The following NETO1 variants were observed in gnomAD, a reference collection of about 807,000 sequenced individuals.
NETO1 encodes the protein neuropilin and tolloid-like protein 1.
A neutral mutation model predicts 61.3 loss-of-function variants in NETO1; 26 were observed. The ratio of observed to expected loss-of-function variants is 0.42; its 90% CI spans 0.31 to 0.59. The LOEUF (loss-of-function observed/expected upper bound fraction) is 0.59, where lower values mean the gene tolerates loss of function less well. NETO1 is among the 20% of genes least tolerant of loss of function. NETO1 has a pLI of 0.12. For missense variants in NETO1, 531 were observed against 662.8 expected, an observed-to-expected ratio of 0.80 and a Z score of 2.18; for synonymous variants, 225 against 225.8, an observed-to-expected ratio of 1.00 and a Z score of 0.03.
chr18:72,867,152 T>C (rs111959645), intron 1 of NETO1, 112 bp downstream of exon 1: 60,814 of 771,076 alleles, frequency 0.079, 2,810 homozygotes, highest in South Asian at 0.1. Context: ...CGCGCGGGAC[T>C]GCAGGGTCCG....
In NETO1 at chr18:72,770,652, T is replaced by C. The variant is rs561541628; in HGVS notation, c.868+13026A>G. Reference sequence around the variant, plus strand: ...CACAAGGTGGCGGCATTAAGATTTATAGTAAGACTTCAATTTACACTTTGG... The same window carrying C: ...CACAAGGTGGCGGCATTAAGATTTACAGTAAGACTTCAATTTACACTTTGG... On this transcript the variant is annotated intron_variant, in intron 7 of 10. Transcript: ENST00000327305. 3.9e-5 allele frequency among the ~76,000 whole-genome samples: 6 copies of C among 152,288 alleles called. No individual in the cohort carries two copies. In the East Asian group the frequency reaches 5.8e-4, roughly 15 times the overall value.
intron 4 of NETO1, among the ~76,000 whole-genome samples, chr18:72,844,345 C>T (rs2074021479): frequency 6.6e-6 from 1 of 152,074 alleles, no homozygotes; most frequent in Non-Finnish European, 1.5e-5. Context: ...TTTTCTGTTC[C>T]TTTGTTCTCT....
At chr18:72,806,565 T>C (rs553826827) in intron 4 of NETO1, among the ~76,000 whole-genome samples, 186 of 152,302 alleles carry the variant, frequency 1.2e-3, no homozygotes, top group African/African-American at 4.4e-3. Flanking sequence ...ATCACCCCTA[T>C]TCATAGTAGT....
intron 3 of NETO1, among the ~76,000 whole-genome samples, 199 bp from the exon 4 acceptor site, chr18:72,859,273 C>T (rs78081468): frequency 0.019 from 2,881 of 152,210 alleles, 83 homozygotes; most frequent in East Asian, 0.1. Flanking sequence ...AAACTTAAAA[C>T]CGATGATGTT....
chr18:72,867,649 G>A lies in NETO1; in HGVS notation c.-358C>T, dbSNP rs1025410815. 1.3e-5 allele frequency: 2 copies of A among 159,894 alleles called. No homozygotes were observed. The highest frequency in any genetic ancestry group is 6.5e-5 in the Admixed American group (1 of 15,308). 9.9% of individuals were successfully genotyped at this position (159,894 alleles called of 1,614,324 possible). ...CGGGCATCGTCGCCGCCGCGGGGTC[G>A]GGAGGACGCGGCGCGCGGGAGGCGG... On this transcript the variant is annotated 5_prime_UTR_variant, in exon 1 of 11. Coordinates refer to ENST00000327305, the MANE Select transcript of NETO1 (RefSeq NM_138966.5).
At chr18:72,794,016 CTCT>C in intron 6 of NETO1, 98 bp downstream of exon 6, 1 of 1,453,898 alleles carries the variant, frequency 6.9e-7, no homozygotes, top group Non-Finnish European at 9.6e-7. Flanking sequence ...GATGGCTGCA[CTCT>C]GAAATGTATT....
chr18:72,796,205 C>T (rs1467997884), intron 4 of NETO1, among the ~76,000 whole-genome samples: 1 of 152,172 alleles, frequency 6.6e-6, no homozygotes, highest in African/African-American at 2.4e-5. Flanking sequence ...AAGTGCGTTT[C>T]TTTGTATGTC....
chr18:72,827,804 T>A lies in NETO1; in HGVS notation c.469+31022A>T, dbSNP rs138953070. 8.6e-4 allele frequency among the ~76,000 whole-genome samples: 131 copies of A among 152,046 alleles called. 4 individuals carry two copies. The East Asian group carries it at 0.019, about 22-fold the overall frequency. On this transcript the variant is annotated intron_variant, in intron 4 of 10. Transcript: ENST00000327305. The stretch of plus-strand genomic sequence containing the variant: ...TGGGCATGTTGAAAGGGACAGTTGC[T>A]CTGACTTACGACTCCTACAGCAATA...
intron 7 of NETO1, among the ~76,000 whole-genome samples, chr18:72,770,292 C>T (rs1016810907): frequency 6.6e-5 from 10 of 151,882 alleles, no homozygotes; most frequent in Admixed American, 6.6e-4. Context: ...CAAATATGTA[C>T]CTGTTGCCTG....
chr18:72,761,653 G>C (rs2070977003), intron 7 of NETO1, among the ~76,000 whole-genome samples: 1 of 152,176 alleles, frequency 6.6e-6, no homozygotes, highest in Admixed American at 6.5e-5. Flanking sequence ...TGATCCGATA[G>C]AATTGAGGCT....
rs183502095 is a variant in NETO1, at chr18:72,833,848, G to A, written c.469+24978C>T. Among the ~76,000 whole-genome samples the A allele has an allele frequency of 1.1e-4, 17 of 152,282 alleles. No homozygotes were observed. The East Asian group carries it at 3.3e-3, about 29-fold the overall frequency. ...CTGAAGACTCTAAACGTCCCTGCACGAAATAGCTGGTGTAGCATCCCCATA... is the reference window on the plus strand; with the variant it reads ...CTGAAGACTCTAAACGTCCCTGCACAAAATAGCTGGTGTAGCATCCCCATA... On this transcript the variant is annotated intron_variant, in intron 4 of 10. Transcript: ENST00000327305.
In NETO1 at chr18:72,830,243, T is replaced by A. The variant is rs1013948734; in HGVS notation, c.469+28583A>T. 2.6e-5 allele frequency among the ~76,000 whole-genome samples: 4 copies of A among 152,098 alleles called. No homozygotes were observed. The highest frequency in any genetic ancestry group is 2.6e-4 in the Admixed American group (4 of 15,272). On this transcript the variant is annotated intron_variant, in intron 4 of 10. Transcript: ENST00000327305. The surrounding 1 kb of genome is among the most constrained non-coding windows in gnomAD (Gnocchi z 4.9). Reference sequence around the variant, plus strand: ...TCCCAAGAGACGGGAACAGCAGTGCTATCTTGGTGCCGGCTTGCGAGAGTA... The same window carrying A: ...TCCCAAGAGACGGGAACAGCAGTGCAATCTTGGTGCCGGCTTGCGAGAGTA...
chr18:72,750,582 T>C lies in NETO1; in HGVS notation c.1021A>G (p.Thr341Ala), dbSNP rs1256932706. The C allele has an allele frequency of 9.9e-6, 16 of 1,610,718 alleles. 1 individual carries two copies. Among genetic ancestry groups the C allele is most frequent in the Non-Finnish European group, 1.4e-5 (16 of 1,179,560 alleles). ...KTSLLDQLTNTSGTVIGVTSC... is the reference protein window; with the variant it reads ...KTSLLDQLTNASGTVIGVTSC... ...GTCACGCCAATGACAGTCCCACTGG[T>C]GTTGGTCAGCTGGTCCAGCAGGCTG... Residue 341 changes from threonine (T) to alanine (A), a missense_variant, in exon 9 of 11, where the codon ACC (threonine) becomes GCC (alanine). Physicochemically the swap from Thr to Ala is moderately conservative, Grantham distance 58 (BLOSUM62 0). Transcript: ENST00000327305.
chr18:72,818,241 C>A (rs2073086890), intron 4 of NETO1, among the ~76,000 whole-genome samples: 1 of 152,178 alleles, frequency 6.6e-6, no homozygotes, highest in African/African-American at 2.4e-5. Flanking sequence ...GCTGTCTATT[C>A]ACTGTTAGAA....
intron 7 of NETO1, among the ~76,000 whole-genome samples, chr18:72,776,432 C>A (rs938387082): frequency 3.3e-5 from 5 of 152,142 alleles, no homozygotes; most frequent in African/African-American, 1.2e-4. Context: ...GACAAAGAAA[C>A]CAAACCATGG....
At position 72,750,078 on chromosome 18, in the gene NETO1, C is replaced by G. The variant is rs770123667; in HGVS notation, c.1525G>C (p.Asp509His). ...PTTSHRLSRH[D>H]KAVQRFCLIG... ...GATACTGACCGCTGGACGGCTTTAT[C>G]GTGTCTGGACAGCCTGTGACTGGTG... Residue 509 changes from aspartate (D) to histidine (H), a missense_variant, in exon 9 of 11, where the codon GAT becomes CAT. Coordinates refer to ENST00000327305, the MANE Select transcript of NETO1 (RefSeq NM_138966.5). 5.7e-6 allele frequency: 9 copies of G among 1,589,424 alleles called. No individual in the cohort carries two copies. Among genetic ancestry groups the G allele is most frequent in the Non-Finnish European group, 6.9e-6 (8 of 1,167,270 alleles).
chr18:72,752,477 C>T (rs1265609271), intron 8 of NETO1, among the ~76,000 whole-genome samples: 1 of 152,112 alleles, frequency 6.6e-6, no homozygotes, highest in Non-Finnish European at 1.5e-5. Flanking sequence ...TCAGAGGCTT[C>T]ACTAAAATGG....
At chr18:72,763,156 T>C (rs1428477234) in intron 7 of NETO1, among the ~76,000 whole-genome samples, 1 of 150,400 alleles carries the variant, frequency 6.6e-6, no homozygotes, top group Admixed American at 6.7e-5. Context: ...AATCCAGAAA[T>C]CTGCTAAATA....
At chr18:72,751,517 T>C (rs2070616541) in intron 8 of NETO1, among the ~76,000 whole-genome samples, 1 of 152,198 alleles carries the variant, frequency 6.6e-6, no homozygotes, top group Admixed American at 6.5e-5. Flanking sequence ...CAGGTCCATG[T>C]TGGACATGCT....
Sources: gnomAD v4.1 joint callset for allele counts (sites outside exome capture counted in the v4.1 genomes callset) on GRCh38, gnomAD v4.1.1 for gene constraint, Gnocchi (gnomAD v3.1) non-coding constraint, MANE v1.5 for transcripts, NCBI Gene and HGNC (gene_info 2026-07-23, HGNC 2026-07-21) for gene names.